SUPT3H: variants seen among roughly 807,000 people sequenced by gnomAD.
SUPT3H encodes SPT3 homolog, SAGA and STAGA complex component.
SUPT3H carries 44 observed loss-of-function variants against 44.3 expected under a neutral mutation model. The ratio of observed to expected loss-of-function variants is 0.99; its 90% CI spans 0.78 to 1.28. SUPT3H has a LOEUF of 1.28. Among genes scored for constraint, SUPT3H ranks in the 50% most tolerant of loss-of-function variants. The pLI, the probability that SUPT3H is intolerant of heterozygous loss-of-function variation, is 0.00. For synonymous variants in SUPT3H, 124 were observed against 125.6 expected (o/e 0.99, Z 0.09); for missense variants, 380 against 387.1 (o/e 0.98, Z 0.15).
At chr6:44,886,611 A>T (rs1013485898) in intron 10 of SUPT3H, among the ~76,000 whole-genome samples, 4 of 152,158 alleles carry the variant, frequency 2.6e-5, no homozygotes, top group African/African-American at 9.7e-5. Flanking sequence ...AGAGCTCCTG[A>T]AGGAAGCACT....
At chr6:45,054,604 A>G (rs1410465855) in intron 3 of SUPT3H, among the ~76,000 whole-genome samples, 1 of 152,198 alleles carries the variant, frequency 6.6e-6, no homozygotes, top group Non-Finnish European at 1.5e-5. Flanking sequence ...GAACCTTGCA[A>G]TAAGTGAGGA....
chr6:44,946,676 G>C (rs1412008932), intron 9 of SUPT3H, among the ~76,000 whole-genome samples: 1 of 152,188 alleles, frequency 6.6e-6, no homozygotes, highest in Non-Finnish European at 1.5e-5. Context: ...GCTTATGGAT[G>C]AGTCAAGAAA....
At chr6:45,079,006 A>G (rs1287934634) in intron 3 of SUPT3H, among the ~76,000 whole-genome samples, 1 of 152,150 alleles carries the variant, frequency 6.6e-6, no homozygotes, top group East Asian at 1.9e-4. Flanking sequence ...GGAAGTTTTC[A>G]GCTATTATTT....
At chr6:45,022,657 T>C (rs1421850275) in intron 3 of SUPT3H, among the ~76,000 whole-genome samples, 1 of 152,044 alleles carries the variant, frequency 6.6e-6, no homozygotes, top group Non-Finnish European at 1.5e-5. Flanking sequence ...AGTATCACTA[T>C]GTTACCTTAC....
chr6:44,946,463 C>T (rs530088434), intron 9 of SUPT3H, among the ~76,000 whole-genome samples: 12 of 152,254 alleles, frequency 7.9e-5, no homozygotes, highest in South Asian at 4.1e-4. Context: ...CTGTGATTCA[C>T]GTGAAGAGGT....
chr6:44,863,112 A>G (rs557324852), intron 10 of SUPT3H, among the ~76,000 whole-genome samples: 4 of 152,274 alleles, frequency 2.6e-5, no homozygotes, highest in African/African-American at 7.2e-5. Flanking sequence ...AAAATAACAA[A>G]GTTCACCAAA....
At chr6:44,850,380 G>A (rs1310644470) in intron 10 of SUPT3H, among the ~76,000 whole-genome samples, 1 of 152,056 alleles carries the variant, frequency 6.6e-6, no homozygotes, top group South Asian at 2.1e-4. Flanking sequence ...GCTTTAAAGG[G>A]ACACACTCTT....
chr6:44,951,013 T>C (rs1774223751), intron 9 of SUPT3H, among the ~76,000 whole-genome samples: 1 of 152,020 alleles, frequency 6.6e-6, no homozygotes, highest in South Asian at 2.1e-4. Flanking sequence ...TAAGACTCTA[T>C]ATAATCTGAG....
At chr6:45,377,417 T>C (rs1164438172) in intron 1 of SUPT3H, 1 of 151,940 alleles carries the variant, frequency 6.6e-6, no homozygotes, top group Non-Finnish European at 1.5e-5. Flanking sequence ...CCCTCTTTAA[T>C]GATTCCTCCG....
intron 10 of SUPT3H, among the ~76,000 whole-genome samples, chr6:44,857,358 G>A (rs959907730): frequency 6.6e-6 from 1 of 152,148 alleles, no homozygotes; most frequent in Non-Finnish European, 1.5e-5. Flanking sequence ...GTGAAAGAAA[G>A]GGATGTTCTA....
chr6:45,319,263 T>C (rs1327374293), intron 2 of SUPT3H, among the ~76,000 whole-genome samples: 1 of 152,126 alleles, frequency 6.6e-6, no homozygotes, highest in East Asian at 1.9e-4. Flanking sequence ...TAATTAAATA[T>C]GGGAGGTACA....
At chr6:45,291,995 T>G in intron 2 of SUPT3H, among the ~76,000 whole-genome samples, 1 of 152,254 alleles carries the variant, frequency 6.6e-6, no homozygotes, top group South Asian at 2.1e-4. Flanking sequence ...CATCAGGTTA[T>G]CTAAAGTTAA....
At position 45,134,859 on chromosome 6, in the gene SUPT3H, T is replaced by C. The variant is rs564784756; in HGVS notation, c.102-28853A>G. On this transcript the variant is annotated intron_variant, in intron 2 of 10. Transcript: ENST00000371459. Reference sequence around the variant, plus strand: ...TGGGGACTATCATCAGTGGCCTTGTTCCCATGGCTCCACTACGCACTGCCT... The same window carrying C: ...TGGGGACTATCATCAGTGGCCTTGTCCCCATGGCTCCACTACGCACTGCCT... 2.0e-5 allele frequency among the ~76,000 whole-genome samples: 3 copies of C among 152,246 alleles called. No individual in the cohort carries two copies. The Middle Eastern group carries it at 0.01, about 518-fold the overall frequency.
chr6:45,109,375 G>A (rs964421496), intron 2 of SUPT3H, among the ~76,000 whole-genome samples: 13 of 151,930 alleles, frequency 8.6e-5, no homozygotes, highest in East Asian at 3.9e-4. Context: ...AGTTATCAAC[G>A]CTAAATAATT....
intron 2 of SUPT3H, among the ~76,000 whole-genome samples, chr6:45,289,412 C>T (rs1055176556): frequency 5.9e-5 from 9 of 151,990 alleles, no homozygotes; most frequent in Non-Finnish European, 8.8e-5. Flanking sequence ...AATAGAAAGC[C>T]ACCATCCACC....
chr6:45,014,088 G>C (rs1783882544), intron 5 of SUPT3H, among the ~76,000 whole-genome samples: 1 of 151,930 alleles, frequency 6.6e-6, no homozygotes, highest in African/African-American at 2.4e-5. Flanking sequence ...AGCCATTTCA[G>C]AAGTCCCACG....
At chr6:44,850,400 T>C (rs868117762) in intron 10 of SUPT3H, among the ~76,000 whole-genome samples, 8 of 152,188 alleles carry the variant, frequency 5.3e-5, no homozygotes, top group Non-Finnish European at 8.8e-5. Flanking sequence ...TCTTGACATA[T>C]ATTAGGCAGG....
intron 10 of SUPT3H, among the ~76,000 whole-genome samples, chr6:44,929,823 C>A (rs923890439): frequency 3.3e-5 from 5 of 151,430 alleles, no homozygotes; most frequent in Admixed American, 2.0e-4. Context: ...ACAGGGTGGC[C>A]GCGTTATTGA....
At chr6:45,259,841 A>C (rs974137972) in intron 2 of SUPT3H, among the ~76,000 whole-genome samples, 2 of 152,204 alleles carry the variant, frequency 1.3e-5, no homozygotes, top group African/African-American at 4.8e-5. Context: ...TGACAGGTTC[A>C]TTGCAGTTAA....
Sources: allele counts gnomAD v4.1 joint callset (sites outside exome capture counted in the v4.1 genomes callset), GRCh38; gene constraint gnomAD v4.1.1; transcripts MANE v1.5; gene names NCBI Gene and HGNC (gene_info 2026-07-23, HGNC 2026-07-21).